Variants in FUT9 observed in about 807,000 individuals in gnomAD.
FUT9 encodes 4-galactosyl-N-acetylglucosaminide 3-alpha-L-fucosyltransferase 9.
In FUT9, 15 loss-of-function variants were observed where a neutral mutation model predicts 29.7. That is an observed-to-expected ratio of 0.51 (90% confidence interval 0.34 to 0.78). The LOEUF (loss-of-function observed/expected upper bound fraction) is 0.78. FUT9 is among the 30% of genes least tolerant of loss of function. The pLI, the probability that FUT9 is intolerant of heterozygous loss-of-function variation, is 0.01. For missense variants in FUT9, 319 were observed against 425.4 expected (o/e 0.75, Z 2.20); for synonymous variants, 169 against 153.7 (o/e 1.10, Z -0.74).
chr6:96,064,163 C>T (rs555330643), intron 1 of FUT9, among the ~76,000 whole-genome samples: 2 of 152,226 alleles, frequency 1.3e-5, no homozygotes, highest in Admixed American at 1.3e-4. Flanking sequence ...GGATAAGTTG[C>T]TTGTTCACAC....
At chr6:96,140,003 A>G (rs1417949940) in intron 2 of FUT9, among the ~76,000 whole-genome samples, 1 of 152,168 alleles carries the variant, frequency 6.6e-6, no homozygotes, top group African/African-American at 2.4e-5. Context: ...TTTCTTTTCT[A>G]TCACATTATC....
intron 1 of FUT9, among the ~76,000 whole-genome samples, chr6:96,079,326 T>C (rs1005479962): frequency 6.6e-6 from 1 of 152,160 alleles, no homozygotes; most frequent in African/African-American, 2.4e-5. Context: ...CTTGTCACTC[T>C]CCCTCTCTCT....
At position 96,119,320 on chromosome 6, in the gene FUT9, T is replaced by C. The variant is rs182526357; in HGVS notation, c.-9+5193T>C. On this transcript the variant is annotated intron_variant, in intron 2 of 2. Transcript: ENST00000302103. Reference sequence around the variant, plus strand: ...GTTTAGATATACAAATACCATTGTGTTAAAATTTCCTAAAGCATTCAGTAT... The same window carrying C: ...GTTTAGATATACAAATACCATTGTGCTAAAATTTCCTAAAGCATTCAGTAT... Among the ~76,000 whole-genome samples the C allele has an allele frequency of 1.8e-3, 278 of 152,306 alleles. 1 individual carries two copies. The highest frequency in any genetic ancestry group is 2.2e-3 in the Non-Finnish European group (153 of 68,024).
intron 2 of FUT9, among the ~76,000 whole-genome samples, chr6:96,137,882 A>T (rs1772387478): frequency 6.6e-6 from 1 of 152,098 alleles, no homozygotes; most frequent in East Asian, 1.9e-4. Flanking sequence ...TTTCCTGTAC[A>T]TCTAAAACTA....
At chr6:96,026,162 T>C (rs1470850762) in intron 1 of FUT9, among the ~76,000 whole-genome samples, 1 of 151,636 alleles carries the variant, frequency 6.6e-6, no homozygotes, top group Non-Finnish European at 1.5e-5. Flanking sequence ...ATGTGCAAAA[T>C]GTGAAAGACC....
intron 2 of FUT9, among the ~76,000 whole-genome samples, chr6:96,201,011 G>A (rs1773717656): frequency 6.6e-6 from 1 of 151,294 alleles, no homozygotes; most frequent in South Asian, 2.1e-4. Flanking sequence ...ATCTTGCTTG[G>A]GTAACAAGAT....
intron 2 of FUT9, among the ~76,000 whole-genome samples, chr6:96,202,916 G>T (rs1773754221): frequency 6.6e-6 from 1 of 152,130 alleles, no homozygotes; most frequent in African/African-American, 2.4e-5. Context: ...TTGGTTTGAA[G>T]ATATGCTGGT....
chr6:96,213,814 T>G lies in FUT9; in HGVS notation c.*9579T>G, dbSNP rs1207311318. 1 of 166,986 alleles carries G rather than the reference T, an allele frequency of 6.0e-6. No individual in the cohort carries two copies. The allele number at this position is 166,986 out of a possible 1,614,324, so 10.3% of individuals were successfully genotyped here. ...TATCAAACATCAACTTTTCTTTAAA[T>G]CTTATTTTAGTAGCTAATGCATGTT... On this transcript the variant is annotated 3_prime_UTR_variant, in exon 3 of 3. Coordinates refer to ENST00000302103, the MANE Select transcript of FUT9 (RefSeq NM_006581.4).
chr6:96,130,280 T>C (rs1438842880), intron 2 of FUT9, among the ~76,000 whole-genome samples: 2 of 152,136 alleles, frequency 1.3e-5, no homozygotes, highest in Non-Finnish European at 2.9e-5. Flanking sequence ...AGATAGTTGT[T>C]ATGTAATTTT....
At chr6:96,058,745 C>A (rs1770821350) in intron 1 of FUT9, among the ~76,000 whole-genome samples, 1 of 152,106 alleles carries the variant, frequency 6.6e-6, no homozygotes, top group Non-Finnish European at 1.5e-5. Flanking sequence ...AAAAACCTGG[C>A]AATCTTACCT....
chr6:96,107,728 T>C (rs1771718734), intron 1 of FUT9, among the ~76,000 whole-genome samples: 2 of 152,204 alleles, frequency 1.3e-5, no homozygotes, highest in South Asian at 4.1e-4. Context: ...TTACTAATTC[T>C]GTCGCCTCCA....
chr6:96,125,746 T>C (rs1329300235), intron 2 of FUT9, among the ~76,000 whole-genome samples: 2 of 152,168 alleles, frequency 1.3e-5, no homozygotes, highest in Non-Finnish European at 2.9e-5. Context: ...TTAAAAATGC[T>C]ACTTGGCCAC....
intron 1 of FUT9, among the ~76,000 whole-genome samples, chr6:96,031,358 A>C (rs1405082994): frequency 6.6e-6 from 1 of 150,722 alleles, no homozygotes; most frequent in Non-Finnish European, 1.5e-5. Flanking sequence ...AACCTTGAAG[A>C]GTTATTGGGA....
chr6:96,106,983 C>A (rs2127958987), intron 1 of FUT9, among the ~76,000 whole-genome samples: 1 of 152,278 alleles, frequency 6.6e-6, no homozygotes. Context: ...ATTACAAAAG[C>A]AGAGTGAAGC....
Position 96,211,817 on chromosome 6 carries a change from T to C in FUT9, c.*7582T>C, listed in dbSNP as rs942035926. On this transcript the variant is annotated 3_prime_UTR_variant, in exon 3 of 3. Transcript: ENST00000302103. ...TTTAAGTAGTTTCTAATTGTGTTCC[T>C]TTAAAGAGTATTAGAAATGTCTGTT... is the stretch of plus-strand genomic sequence containing the variant. The C allele has an allele frequency of 3.1e-6, 1 of 322,922 alleles. No homozygotes were observed. Among genetic ancestry groups the C allele is most frequent in the Non-Finnish European group, 5.8e-6 (1 of 170,942 alleles). The allele number at this position is 322,922 out of a possible 1,614,324, so 20.0% of individuals were successfully genotyped here. A position where few individuals can be genotyped will look rare whatever the true frequency, so the allele number is the denominator to read the frequency against.
intron 2 of FUT9, among the ~76,000 whole-genome samples, chr6:96,144,607 T>G (rs1772530237): frequency 6.6e-6 from 1 of 152,200 alleles, no homozygotes; most frequent in African/African-American, 2.4e-5. Context: ...ACCATGGATC[T>G]CCGTGATTTC....
At chr6:96,059,407 C>G (rs927151253) in intron 1 of FUT9, among the ~76,000 whole-genome samples, 2 of 152,178 alleles carry the variant, frequency 1.3e-5, no homozygotes, top group Non-Finnish European at 2.9e-5. Flanking sequence ...CCTGCATACA[C>G]ACATACCAGA....
intron 1 of FUT9, among the ~76,000 whole-genome samples, chr6:96,101,812 C>A (rs1771590810): frequency 6.9e-6 from 1 of 144,666 alleles, no homozygotes. Context: ...CACCACCACG[C>A]CCAGCTATTT....
intron 2 of FUT9, among the ~76,000 whole-genome samples, chr6:96,167,917 A>C (rs1258657365): frequency 6.6e-6 from 1 of 152,160 alleles, no homozygotes; most frequent in African/African-American, 2.4e-5. Context: ...AAGAGAATGA[A>C]GAAGAGGTCA....
Sources: gnomAD v4.1 joint callset for allele counts (sites outside exome capture counted in the v4.1 genomes callset) on GRCh38, gnomAD v4.1.1 for gene constraint, MANE v1.5 for transcripts, NCBI Gene and HGNC (gene_info 2026-07-23, HGNC 2026-07-21) for gene names.